ENPP1: variants seen among roughly 807,000 people sequenced by gnomAD.
ENPP1 encodes ectonucleotide pyrophosphatase/phosphodiesterase 1.
A neutral mutation model predicts 122.8 loss-of-function variants in ENPP1; 73 were observed. That is an observed-to-expected ratio of 0.59 (90% CI 0.49 to 0.72). The LOEUF (loss-of-function observed/expected upper bound fraction) is 0.72. Among genes scored for constraint, ENPP1 ranks in the 30% least tolerant of loss-of-function variants. ENPP1 has a pLI of 0.00. For missense variants in ENPP1, 978 were observed against 1,128.1 expected (o/e 0.87, Z 1.91); for synonymous variants, 367 against 391.6 (o/e 0.94, Z 0.74).
At position 131,811,434 on chromosome 6, in the gene ENPP1, A is replaced by ATC. The variant is rs567977915; in HGVS notation, c.240+3160_240+3161insCT. On this transcript the variant is annotated intron_variant, in intron 1 of 24. Transcript: ENST00000647893. ...TATCTATATCTATATCTATATCTAT[A>ATC]TATATGTAGAGAGTCCGTTTGGCTC... 6.4e-3 allele frequency among the ~76,000 whole-genome samples: 941 copies of ATC among 147,578 alleles called. 11 individuals are homozygous for ATC. The highest frequency in any genetic ancestry group is 0.023 in the African/African-American group (891 of 38,514).
intron 1 of ENPP1, among the ~76,000 whole-genome samples, chr6:131,846,018 GAAGT>G (rs983631830): frequency 1.1e-4 from 17 of 152,028 alleles, no homozygotes; most frequent in Non-Finnish European, 1.5e-4. Context: ...ATTTTATTTT[GAAGT>G]AAGTAAGACC....
chr6:131,876,116 T>C (rs1162835299), intron 17 of ENPP1, among the ~76,000 whole-genome samples: 2 of 152,210 alleles, frequency 1.3e-5, no homozygotes, highest in Non-Finnish European at 2.9e-5. Flanking sequence ...ACACCCCCAC[T>C]GCCCAGCACT....
At chr6:131,809,269 A>G (rs964984555) in intron 1 of ENPP1, among the ~76,000 whole-genome samples, 1 of 152,216 alleles carries the variant, frequency 6.6e-6, no homozygotes, top group African/African-American at 2.4e-5. Context: ...ATCCCCTTAC[A>G]TATGATTGAA....
chr6:131,839,510 A>T (rs1460296228), intron 1 of ENPP1, among the ~76,000 whole-genome samples: 1 of 152,198 alleles, frequency 6.6e-6, no homozygotes, highest in African/African-American at 2.4e-5. Context: ...GAGAACCCCT[A>T]AAATGCCAGA....
chr6:131,892,878 GGAGA>G lies in ENPP1; in HGVS notation c.*2371_*2374del, dbSNP rs1207626279. 6.6e-6 allele frequency: 1 copy of G among 152,132 alleles called. No homozygotes were observed. The allele number at this position is 152,132 out of a possible 1,614,324, so 9.4% of individuals were successfully genotyped here. ...GCTACCCTTTTCTGGTCCTTTGGCA[GGAGA>G]GAGCAGGACTCTCTTAGGGCTTTTT... On this transcript the variant is annotated 3_prime_UTR_variant, in exon 25 of 25. Transcript: ENST00000647893.
At chr6:131,808,559 C>T (rs1781311091) in intron 1 of ENPP1, among the ~76,000 whole-genome samples, 2 of 152,182 alleles carry the variant, frequency 1.3e-5, no homozygotes, top group Non-Finnish European at 2.9e-5. Context: ...TACTCGACCC[C>T]CTGCCCCAGG....
In ENPP1 at chr6:131,808,321, G is replaced by T. The variant is rs1160504897; in HGVS notation, c.240+46G>T. The T allele has an allele frequency of 2.0e-6, 3 of 1,467,816 alleles. No individual in the cohort carries two copies. In the East Asian group the frequency reaches 8.5e-5, roughly 41 times the overall value. The allele number at this position is 1,467,816 out of a possible 1,614,324, so 90.9% of individuals were successfully genotyped here. A position where few individuals can be genotyped will look rare whatever the true frequency, so the allele number is the denominator to read the frequency against. On this transcript the variant is annotated intron_variant, in intron 1 of 24. Coordinates refer to ENST00000647893, the MANE Select transcript of ENPP1 (RefSeq NM_006208.3). Reference sequence around the variant, plus strand: ...CGGCGCCCGGGAGGGCTGGGAGTACGGGGAGGGCGGCGCCGAGCTCCTGCG... The same window carrying T: ...CGGCGCCCGGGAGGGCTGGGAGTACTGGGAGGGCGGCGCCGAGCTCCTGCG...
chr6:131,893,953 T>C lies in ENPP1; in HGVS notation c.*3442T>C, dbSNP rs1425584350. 2.8e-5 allele frequency: 2 copies of C among 71,228 alleles called. No individual in the cohort carries two copies. Among genetic ancestry groups the C allele is most frequent in the East Asian group, 4.4e-4 (1 of 2,256 alleles). 4.4% of individuals were successfully genotyped at this position (71,228 alleles called of 1,614,324 possible). The stretch of plus-strand genomic sequence containing the variant: ...AACCTTTATTTATCTTGATTTCTTT[T>C]TTTTTTTTTTTTTTTTTTTTTTTTT... On this transcript the variant is annotated 3_prime_UTR_variant, in exon 25 of 25. Coordinates refer to ENST00000647893, the MANE Select transcript of ENPP1 (RefSeq NM_006208.3).
chr6:131,867,181 C>G (rs1180456092), intron 11 of ENPP1, among the ~76,000 whole-genome samples: 2 of 152,180 alleles, frequency 1.3e-5, no homozygotes, highest in Non-Finnish European at 2.9e-5. Context: ...GCTTGGATAA[C>G]TTTGAATGAA....
At chr6:131,851,077 C>T in intron 3 of ENPP1, 65 bp from the exon 4 acceptor site, 1 of 1,573,504 alleles carries the variant, frequency 6.4e-7, no homozygotes, top group Non-Finnish European at 8.7e-7. Flanking sequence ...GACAGCAATT[C>T]TGTGTTCACT....
In ENPP1 at chr6:131,851,271, A is replaced by G; in HGVS notation, c.556+4A>G. 1.2e-6 allele frequency: 2 copies of G among 1,614,126 alleles called. No homozygotes were observed. Among genetic ancestry groups the G allele is most frequent in the Non-Finnish European group, 1.7e-6 (2 of 1,179,974 alleles). Reference sequence around the variant, plus strand: ...AACTACAGTTCTGTGTGTCAAGGTCAGGTGCTCGTTGGGCTCTGCAGCAGC... The same window carrying G: ...AACTACAGTTCTGTGTGTCAAGGTCGGGTGCTCGTTGGGCTCTGCAGCAGC... On this transcript the variant is annotated splice_donor_region_variant and intron_variant, in intron 4 of 24. Transcript: ENST00000647893.
chr6:131,880,408 A>G (rs1056398617), intron 20 of ENPP1, among the ~76,000 whole-genome samples: 1 of 151,848 alleles, frequency 6.6e-6, no homozygotes, highest in Non-Finnish European at 1.5e-5. Flanking sequence ...CTAAAAATAT[A>G]AAAAAATTAG....
At chr6:131,869,787 C>T (rs1247463811) in intron 13 of ENPP1, among the ~76,000 whole-genome samples, 2 of 143,656 alleles carry the variant, frequency 1.4e-5, no homozygotes, top group Admixed American at 7.3e-5. Flanking sequence ...ACCCAGGAGG[C>T]GGAGGTTACA....
intron 1 of ENPP1, chr6:131,826,385 T>A: frequency 9.9e-7 from 1 of 1,011,414 alleles, no homozygotes; most frequent in Non-Finnish European, 1.5e-6. Flanking sequence ...TAGGGCAGAT[T>A]CTCAATATTA....
chr6:131,868,948 G>A (rs1562180111), intron 12 of ENPP1, among the ~76,000 whole-genome samples: 1 of 152,128 alleles, frequency 6.6e-6, no homozygotes, highest in Non-Finnish European at 1.5e-5. Context: ...AGAAATCTGT[G>A]TTTAGAAGCA....
intron 1 of ENPP1, among the ~76,000 whole-genome samples, chr6:131,830,808 A>G (rs1295754135): frequency 6.6e-6 from 1 of 152,084 alleles, no homozygotes; most frequent in Non-Finnish European, 1.5e-5. Context: ...AATGCATTTA[A>G]AACAATAATA....
Position 131,827,672 on chromosome 6 carries a change from C to A in ENPP1, c.240+19397C>A. ...ACACTATAAATGATGTCCTTCTGCTCTACGTGCATGCGGAATCTTCTCACT... is the reference window on the plus strand; with the variant it reads ...ACACTATAAATGATGTCCTTCTGCTATACGTGCATGCGGAATCTTCTCACT... On this transcript the variant is annotated intron_variant, in intron 1 of 24. Transcript: ENST00000647893. The A allele has an allele frequency of 4.6e-6, 3 of 645,734 alleles. No homozygotes were observed. In the South Asian group the frequency reaches 4.8e-5, roughly 10 times the overall value. The allele number at this position is 645,734 out of a possible 1,614,324, so 40.0% of individuals were successfully genotyped here.
At chr6:131,815,511 C>T (rs1032606840) in intron 1 of ENPP1, among the ~76,000 whole-genome samples, 1 of 152,176 alleles carries the variant, frequency 6.6e-6, no homozygotes, top group African/African-American at 2.4e-5. Context: ...AAGCACTTTG[C>T]TAATTTCTAT....
At chr6:131,840,513 C>G (rs1781726873) in intron 1 of ENPP1, among the ~76,000 whole-genome samples, 1 of 152,218 alleles carries the variant, frequency 6.6e-6, no homozygotes, top group Non-Finnish European at 1.5e-5. Flanking sequence ...CTAGTAGGAA[C>G]TACCATTTAT....
Sources: allele counts gnomAD v4.1 joint callset (sites outside exome capture counted in the v4.1 genomes callset), GRCh38; gene constraint gnomAD v4.1.1; transcripts MANE v1.5; gene names NCBI Gene and HGNC (gene_info 2026-07-23, HGNC 2026-07-21).